The following CCDC154 variants were observed in gnomAD, a reference collection of about 807,000 sequenced individuals.
CCDC154 encodes the protein coiled-coil domain-containing protein 154.
CCDC154 carries 91 observed loss-of-function variants against 87.5 expected under a neutral mutation model. The ratio of observed to expected loss-of-function variants is 1.04; its 90% CI spans 0.88 to 1.24. The LOEUF is 1.24. CCDC154 is among the 50% of genes most tolerant of loss of function. CCDC154 has a pLI of 0.00. For missense variants in CCDC154, 903 were observed against 879.2 expected (o/e 1.03, Z -0.34); for synonymous variants, 418 against 400.4 (o/e 1.04, Z -0.52).
At position 1,443,992 on chromosome 16, in the gene CCDC154, AGG is replaced by A; in HGVS notation, c.26_27del (p.Pro9LeufsTer41). On this transcript the variant is annotated frameshift_variant, in exon 2 of 17. Coordinates refer to ENST00000389176, the MANE Select transcript of CCDC154 (RefSeq NM_001143980.3). LOFTEE classifies it high-confidence loss of function. ...AGCTGGGAAGGGGCCGATGCCCCTG[AGG>A]GTCCACTGTCAGCCAACTCTACAAG... MSELADSG[P>X]SGASAPSQLR... The A allele has an allele frequency of 7.7e-7, 1 of 1,301,080 alleles. No individual in the cohort carries two copies. Among genetic ancestry groups the A allele is most frequent in the African/African-American group, 1.5e-5 (1 of 65,992 alleles). The allele number at this position is 1,301,080 out of a possible 1,614,324, so 80.6% of individuals were successfully genotyped here.
rs61744665 is a variant in CCDC154, at chr16:1,434,527, G to T, written c.1885C>A (p.Arg629Ser). 1 of 1,545,502 alleles carries T rather than the reference G, an allele frequency of 6.5e-7. No individual in the cohort carries two copies. Among genetic ancestry groups the T allele is most frequent in the Admixed American group, 2.0e-5 (1 of 50,854 alleles). ...WGVYQAVRWL[R>S]WKASLIKLRA... ...AGCTTTATGAGGGACGCCTTCCAGCGCAGCCACCTGTCCAGAGATGCGGCA... is the reference window on the plus strand; with the variant it reads ...AGCTTTATGAGGGACGCCTTCCAGCTCAGCCACCTGTCCAGAGATGCGGCA... Residue 629 changes from arginine to serine, a missense_variant, in exon 17 of 17, where the codon CGC becomes AGC. Physicochemically the swap from Arg to Ser is moderately radical, Grantham distance 110 (BLOSUM62 -1). Transcript: ENST00000389176.
chr16:1,443,995 G>A lies in CCDC154; in HGVS notation c.25C>T (p.Pro9Ser), dbSNP rs1449281506. MSELADSG[P>S]SGASAPSQLR... ...TGGGAAGGGGCCGATGCCCCTGAGG[G>A]TCCACTGTCAGCCAACTCTACAAGG... The change falls in exon 2 of 17, where the codon CCC becomes TCC. Residue 9 changes from proline to serine, a missense_variant. Physicochemically the swap from Pro to Ser is moderately conservative, Grantham distance 74. Coordinates refer to ENST00000389176, the MANE Select transcript of CCDC154 (RefSeq NM_001143980.3). The A allele has an allele frequency of 3.1e-6, 4 of 1,300,764 alleles. No homozygotes were observed. The highest frequency in any genetic ancestry group is 4.0e-6 in the Non-Finnish European group (4 of 988,902). The allele number at this position is 1,300,764 out of a possible 1,614,324, so 80.6% of individuals were successfully genotyped here.
intron 6 of CCDC154, among the ~76,000 whole-genome samples, chr16:1,439,774 T>C (rs2142354074): frequency 6.6e-6 from 1 of 152,328 alleles, no homozygotes; most frequent in South Asian, 2.1e-4. Context: ...GGATCTCTGT[T>C]GTAACCCTCT....
rs888796637 is a variant in CCDC154 at position 1,444,476 on chromosome 16, G to A, written c.-154C>T. 3.4e-5 allele frequency: 25 copies of A among 739,886 alleles called. No homozygotes were observed. Among genetic ancestry groups the A allele is most frequent in the Admixed American group, 7.6e-5 (2 of 26,152 alleles). The allele number at this position is 739,886 out of a possible 1,614,324, so 45.8% of individuals were successfully genotyped here. ...CCTTGAGGGACGAGCTGCTGCCCTCGTCTGGCTGCCTTCTCAGGGTCCCCA... is the reference window on the plus strand; with the variant it reads ...CCTTGAGGGACGAGCTGCTGCCCTCATCTGGCTGCCTTCTCAGGGTCCCCA... On this transcript the variant is annotated 5_prime_UTR_variant, in exon 1 of 17. The change creates a new upstream start codon in the 5' untranslated region. Transcript: ENST00000389176.
Position 1,438,754 on chromosome 16 carries a change from G to A in CCDC154, c.907-17C>T. 6.5e-7 allele frequency: 1 copy of A among 1,548,214 alleles called. No individual in the cohort carries two copies. The highest frequency in any genetic ancestry group is 8.7e-7 in the Non-Finnish European group (1 of 1,146,120). ...GTGGCTCTCCTGCCAGGGGGTGGAG[G>A]CCGCCCTGAGACCTGCACCCCGGCC... On this transcript the variant is annotated splice_polypyrimidine_tract_variant and intron_variant, in intron 8 of 16. Transcript: ENST00000389176.
At chr16:1,437,374 C>T (rs953235787) in intron 11 of CCDC154, 4 of 186,212 alleles carry the variant, frequency 2.1e-5, no homozygotes, top group Admixed American at 5.5e-5. Context: ...GGAATGAGTG[C>T]GGATGGGGCT....
intron 11 of CCDC154, 108 bp from the exon 12 acceptor site, chr16:1,436,919 C>T: frequency 7.0e-7 from 1 of 1,437,792 alleles, no homozygotes; most frequent in Non-Finnish European, 9.4e-7. Context: ...ACCCCCACTT[C>T]CAGCTCTGAG....
At chr16:1,440,775 C>A (rs1480391120) in intron 6 of CCDC154, among the ~76,000 whole-genome samples, 1 of 151,756 alleles carries the variant, frequency 6.6e-6, no homozygotes, top group Non-Finnish European at 1.5e-5. Context: ...ACAGTGAAAC[C>A]CCATCTCTAC....
At position 1,438,995 on chromosome 16, in the gene CCDC154, AGGGCAGGCCAGCCGC is replaced by A. The variant is rs1173069040; in HGVS notation, c.777+15_777+29del. 6.5e-6 allele frequency: 10 copies of A among 1,549,710 alleles called. No individual in the cohort carries two copies. The highest frequency in any genetic ancestry group is 2.7e-5 in the African/African-American group (2 of 73,060). ...CAGGTCTGCGTCTGGGAAGGGGGGC[AGGGCAGGCCAGCCGC>A]GGGCAGGCTCCCACCTTCTCCAGGG... On this transcript the variant is annotated intron_variant, in intron 7 of 16. Transcript: ENST00000389176.
At chr16:1,437,413 G>C (rs2038511924) in intron 11 of CCDC154, 1 of 198,250 alleles carries the variant, frequency 5.0e-6, no homozygotes, top group African/African-American at 2.3e-5. Flanking sequence ...TGAATGCTCT[G>C]AAACTGTGAA....
Position 1,438,872 on chromosome 16 carries a change from C to G in CCDC154, c.849G>C (p.Trp283Cys). ...CCTCCATCAGCCCCCGAAGCTTCTC[C>G]CACCGGCTCTCCAGCTCGCCCCGCA... ...GSLRGELESR[W>C]EKLRGLMEER... is the part of the protein sequence containing the mutation. The change falls in exon 8 of 17, where the codon TGG (tryptophan) becomes TGC (cysteine). Residue 283 changes from tryptophan to cysteine, a missense_variant. Physicochemically the swap from Trp to Cys is radical, Grantham distance 215 (BLOSUM62 -2). Transcript: ENST00000389176. 6.5e-7 allele frequency: 1 copy of G among 1,549,426 alleles called. No homozygotes were observed. Among genetic ancestry groups the G allele is most frequent in the South Asian group, 1.2e-5 (1 of 84,010 alleles).
chr16:1,443,629 C>G lies in CCDC154; in HGVS notation c.291G>C (p.Thr97=). 1 of 1,385,942 alleles carries G rather than the reference C, an allele frequency of 7.2e-7. No individual in the cohort carries two copies. The highest frequency in any genetic ancestry group is 1.5e-5 in the African/African-American group (1 of 68,954). 85.9% of individuals were successfully genotyped at this position (1,385,942 alleles called of 1,614,324 possible). The change falls in exon 3 of 17, where the codon ACG becomes ACC. Residue 97 remains threonine, a synonymous_variant. Coordinates refer to ENST00000389176, the MANE Select transcript of CCDC154 (RefSeq NM_001143980.3). ...GGAGCAGCTCCCGCAGCAGGCTCCG[C>G]GTGGCGCGCTCACAGCGCTGCTTGT... ...REHKQRCERA[T]RSLLRELLQV... is the part of the protein sequence containing the mutation.
chr16:1,440,311 A>G (rs749735539), intron 6 of CCDC154, among the ~76,000 whole-genome samples: 15 of 151,718 alleles, frequency 9.9e-5, no homozygotes, highest in East Asian at 2.0e-4. Flanking sequence ...TTAGCTGGGC[A>G]TGGTGATGCG....
Position 1,438,799 on chromosome 16 carries a change from G to A in CCDC154, c.906+16C>T, listed in dbSNP as rs779501245. The stretch of plus-strand genomic sequence containing the variant: ...CCGGCCCCGGCCCCACCTGCCCGCC[G>A]CCCGCCCGGCCCCACCTCATGCTGC... On this transcript the variant is annotated intron_variant, in intron 8 of 16. Transcript: ENST00000389176. 1.9e-5 allele frequency: 27 copies of A among 1,391,754 alleles called. No individual in the cohort carries two copies. The highest frequency in any genetic ancestry group is 8.1e-5 in the Admixed American group (4 of 49,564). 86.2% of individuals were successfully genotyped at this position (1,391,754 alleles called of 1,614,324 possible). A position where few individuals can be genotyped will look rare whatever the true frequency, so the allele number is the denominator to read the frequency against.
At chr16:1,435,017 C>T (rs940973514) in intron 15 of CCDC154, 72 bp downstream of exon 15, 6 of 1,474,914 alleles carry the variant, frequency 4.1e-6, no homozygotes, top group African/African-American at 2.8e-5. Context: ...TGCAGCAGGG[C>T]AGGCGGGGAG....
chr16:1,441,432 CTATT>C lies in CCDC154; in HGVS notation c.675+970_675+973del. Among the ~76,000 whole-genome samples, 5 of 152,346 alleles carry C rather than the reference CTATT, an allele frequency of 3.3e-5. No individual in the cohort carries two copies. In the East Asian group the frequency reaches 9.6e-4, roughly 29 times the overall value. ...GGGAGCTGGCTGCAGTCCCCGGTCTCTATTTGTGGAGCTCAGACCCGGGCTGCTG... is the reference window on the plus strand; with the variant it reads ...GGGAGCTGGCTGCAGTCCCCGGTCTCTGTGGAGCTCAGACCCGGGCTGCTG... On this transcript the variant is annotated intron_variant, in intron 6 of 16. Transcript: ENST00000389176.
chr16:1,438,189 G>A lies in CCDC154; in HGVS notation c.1026-13C>T, dbSNP rs1359308516. Reference sequence around the variant, plus strand: ...CCCCTTGGCGTCCCTAGGGGTTGGGGACACATAGACACCCTCAGTGGAGCC... The same window carrying A: ...CCCCTTGGCGTCCCTAGGGGTTGGGAACACATAGACACCCTCAGTGGAGCC... On this transcript the variant is annotated splice_polypyrimidine_tract_variant and intron_variant, in intron 9 of 16. Transcript: ENST00000389176. 1 of 1,517,178 alleles carries A rather than the reference G, an allele frequency of 6.6e-7. No homozygotes were observed. Among genetic ancestry groups the A allele is most frequent in the South Asian group, 1.3e-5 (1 of 79,596 alleles). The allele number at this position is 1,517,178 out of a possible 1,614,324, so 94.0% of individuals were successfully genotyped here.
chr16:1,436,127 C>A, intron 13 of CCDC154, 41 bp from the exon 14 acceptor site: 1 of 1,510,464 alleles, frequency 6.6e-7, no homozygotes, highest in Non-Finnish European at 9.0e-7. Flanking sequence ...CGGGTGTGCT[C>A]GGGGGTAGGG....
chr16:1,443,072 T>A, intron 4 of CCDC154, 97 bp from the exon 5 acceptor site: 1 of 1,446,624 alleles, frequency 6.9e-7, no homozygotes, highest in Non-Finnish European at 9.4e-7. Context: ...CCACCTCCCA[T>A]GGCTTTCCTG....
Sources: allele counts gnomAD v4.1 joint callset (sites outside exome capture counted in the v4.1 genomes callset), GRCh38; gene constraint gnomAD v4.1.1; transcripts MANE v1.5; gene names NCBI Gene and HGNC (gene_info 2026-07-23, HGNC 2026-07-21).